Variants in RPTOR observed in about 807,000 individuals in gnomAD.
RPTOR encodes regulatory-associated protein of mTOR.
RPTOR carries 21 observed loss-of-function variants against 169.9 expected under a neutral mutation model. The ratio of observed to expected loss-of-function variants is 0.12; its 90% CI spans 0.09 to 0.18. The LOEUF is 0.18. Ranked by LOEUF, RPTOR falls within the 10% of genes least tolerant of loss-of-function variation. RPTOR has a pLI of 1.00. For missense variants in RPTOR, 1,133 were observed against 1,855.9 expected (o/e 0.61, Z 7.16); for synonymous variants, 732 against 753.2 (o/e 0.97, Z 0.46).
In RPTOR at chr17:80,947,548, C is replaced by T. The variant is rs1276134520; in HGVS notation, c.3265+197C>T. ...GCAGAGACAGGAAAGCAAAGATGAC[C>T]CCATCCTTGAGGGTTCCAGGGACTT... On this transcript the variant is annotated intron_variant, in intron 27 of 33. Transcript: ENST00000306801. The surrounding 1 kb of genome is among the most constrained non-coding windows in gnomAD (Gnocchi z 4.4). Among the ~76,000 whole-genome samples, 1 of 152,190 alleles carries T rather than the reference C, an allele frequency of 6.6e-6. No individual in the cohort carries two copies. Among genetic ancestry groups the T allele is most frequent in the East Asian group, 1.9e-4 (1 of 5,200 alleles).
intron 1 of RPTOR, among the ~76,000 whole-genome samples, chr17:80,587,247 G>A (rs889575725): frequency 7.2e-5 from 11 of 152,194 alleles, no homozygotes; most frequent in African/African-American, 2.7e-4. Context: ...GTGCATCCCC[G>A]AAATAATACA....
Position 80,811,071 on chromosome 17 carries a change from C to A in RPTOR, c.891-11130C>A, listed in dbSNP as rs185392669. The stretch of plus-strand genomic sequence containing the variant: ...TTTCCGATGTTTATGTCTTTAATTT[C>A]TTTTTCTTGCTTTGTTGCACTGCGT... On this transcript the variant is annotated intron_variant, in intron 7 of 33. Transcript: ENST00000306801. Among the ~76,000 whole-genome samples, 181 of 152,218 alleles carry A rather than the reference C, an allele frequency of 1.2e-3. 1 individual carries two copies. The highest frequency in any genetic ancestry group is 4.2e-3 in the African/African-American group (174 of 41,536).
chr17:80,757,661 G>C (rs563189997), intron 6 of RPTOR, among the ~76,000 whole-genome samples: 1 of 152,144 alleles, frequency 6.6e-6, no homozygotes, highest in South Asian at 2.1e-4. Context: ...ACCTGTATAC[G>C]ATGCATTAAT....
At chr17:80,685,817 G>C (rs901066) in intron 3 of RPTOR, among the ~76,000 whole-genome samples, 26,325 of 150,186 alleles carry the variant, frequency 0.18, 3,695 homozygotes, top group African/African-American at 0.39. Context: ...CCCTCTAGTC[G>C]TAAGCGTAAG....
chr17:80,920,470 G>T (rs527981747), intron 21 of RPTOR, among the ~76,000 whole-genome samples: 61 of 152,340 alleles, frequency 4.0e-4, no homozygotes, highest in Non-Finnish European at 4.6e-4. Flanking sequence ...TGTGAAAGCA[G>T]GATGGTCTCA....
chr17:80,960,110 G>C lies in RPTOR; in HGVS notation c.3510G>C (p.Thr1170=), dbSNP rs781456893. 6.2e-7 allele frequency: 1 copy of C among 1,613,528 alleles called. No individual in the cohort carries two copies. Among genetic ancestry groups the C allele is most frequent in the South Asian group, 1.1e-5 (1 of 91,086 alleles). The change falls in exon 30 of 34, where the codon ACG becomes ACC. Residue 1170 remains threonine (T), a synonymous_variant. Transcript: ENST00000306801. The surrounding 1 kb of genome is among the most constrained non-coding windows in gnomAD (Gnocchi z 4.8). ...CTACGGGCGCAGACAGCTGTGTGAC[G>C]AGTCTGTCCTGTGATTCCCACCGCT... ...DIPTGADSCV[T]SLSCDSHRSL...
At chr17:80,851,736 T>C (rs529233486) in intron 11 of RPTOR, among the ~76,000 whole-genome samples, 7 of 152,202 alleles carry the variant, frequency 4.6e-5, no homozygotes, top group Non-Finnish European at 1.0e-4. Context: ...CGCTTGCTTT[T>C]GTTGTTTGTA....
intron 1 of RPTOR, among the ~76,000 whole-genome samples, chr17:80,573,604 T>G (rs2064930323): frequency 6.6e-6 from 1 of 152,324 alleles, no homozygotes; most frequent in Non-Finnish European, 1.5e-5. Flanking sequence ...TTTTTTATAT[T>G]GCTTTATATG....
At chr17:80,615,619 C>G (rs960084045) in intron 1 of RPTOR, among the ~76,000 whole-genome samples, 1 of 152,096 alleles carries the variant, frequency 6.6e-6, no homozygotes, top group African/African-American at 2.4e-5. Flanking sequence ...TCTCTGATAC[C>G]CACTTAGCAG....
intron 7 of RPTOR, chr17:80,802,139 A>G (rs1460564890): frequency 6.6e-6 from 1 of 152,286 alleles, no homozygotes; most frequent in Non-Finnish European, 1.5e-5. Flanking sequence ...AGGCCACCCC[A>G]GGGAACCTGC....
chr17:80,923,710 A>G, intron 23 of RPTOR, 37 bp downstream of exon 23: 1 of 1,522,872 alleles, frequency 6.6e-7, no homozygotes, highest in Non-Finnish European at 8.8e-7. Flanking sequence ...CTGGACACTG[A>G]GAGCGTTGCT....
chr17:80,905,293 T>C (rs910141577), intron 20 of RPTOR, among the ~76,000 whole-genome samples: 2 of 152,014 alleles, frequency 1.3e-5, no homozygotes, highest in African/African-American at 4.8e-5. Flanking sequence ...TTTTTAAAAA[T>C]TAGATGAAAG....
In RPTOR at chr17:80,791,497, A is replaced by G. The variant is rs758550959; in HGVS notation, c.878A>G (p.Asp293Gly). 3 of 1,613,490 alleles carry G rather than the reference A, an allele frequency of 1.9e-6. No homozygotes were observed. In the Admixed American group the frequency reaches 5.0e-5, roughly 27 times the overall value. ...CVSLVPGVTL[D>G]LIEKIPGRLN... ...AGTCTGGTGCCTGGCGTCACACTGGATTTGATAGAAAAGTAAGTAGGATTT... is the reference window on the plus strand; with the variant it reads ...AGTCTGGTGCCTGGCGTCACACTGGGTTTGATAGAAAAGTAAGTAGGATTT... The change falls in exon 7 of 34, where the codon GAT becomes GGT. Residue 293 changes from aspartate to glycine, a missense_variant. By Grantham distance (94) the Asp-to-Gly change is moderately conservative. This residue lies in a region of RPTOR where 289 missense variants were observed against 585.8 expected (regional missense o/e 0.49). Coordinates refer to ENST00000306801, the MANE Select transcript of RPTOR (RefSeq NM_020761.3).
At chr17:80,779,452 C>T (rs948087606) in intron 6 of RPTOR, among the ~76,000 whole-genome samples, 2 of 152,182 alleles carry the variant, frequency 1.3e-5, no homozygotes, top group Admixed American at 1.3e-4. Flanking sequence ...AAGCAGCGTG[C>T]GGATCTCCTC....
At chr17:80,687,114 G>T (rs1037401256) in intron 3 of RPTOR, among the ~76,000 whole-genome samples, 1 of 152,216 alleles carries the variant, frequency 6.6e-6, no homozygotes, top group East Asian at 1.9e-4. Context: ...CCCCTTTTCT[G>T]CAGGCAAAGT....
chr17:80,943,575 G>A (rs556136087), intron 25 of RPTOR, among the ~76,000 whole-genome samples: 42 of 152,022 alleles, frequency 2.8e-4, no homozygotes, highest in Admixed American at 1.3e-3. Flanking sequence ...GGCTCCCCCC[G>A]TTGTCCCAGT....
intron 6 of RPTOR, among the ~76,000 whole-genome samples, chr17:80,776,281 G>A (rs1345312241): frequency 1.3e-5 from 2 of 150,804 alleles, no homozygotes; most frequent in African/African-American, 4.9e-5. Context: ...AAGATCAGTA[G>A]GTCAAAGTAT....
At chr17:80,744,937 CCCTGGTT>C (rs1567889605) in intron 5 of RPTOR, among the ~76,000 whole-genome samples, 8 of 132,180 alleles carry the variant, frequency 6.1e-5, no homozygotes, top group South Asian at 2.5e-4. Flanking sequence ...ACTAGCAGAG[CCCTGGTT>C]ACTAGCAGAG....
intron 1 of RPTOR, among the ~76,000 whole-genome samples, chr17:80,607,557 C>T (rs1455973733): frequency 6.6e-6 from 1 of 151,176 alleles, no homozygotes; most frequent in Non-Finnish European, 1.5e-5. Flanking sequence ...TGTCCCTCAT[C>T]TCCCTAAAGT....
Sources: allele counts gnomAD v4.1 joint callset (sites outside exome capture counted in the v4.1 genomes callset), GRCh38; gene constraint gnomAD v4.1.1; regional missense constraint gnomAD v4.1.1; non-coding constraint Gnocchi (gnomAD v3.1); transcripts MANE v1.5; gene names NCBI Gene and HGNC (gene_info 2026-07-23, HGNC 2026-07-21).